The following ADAMTS17 variants were observed in gnomAD, a reference collection of about 807,000 sequenced individuals.
ADAMTS17 encodes the protein A disintegrin and metalloproteinase with thrombospondin motifs 17.
Under a neutral mutation model 141.5 loss-of-function variants are expected in ADAMTS17, and 113 were observed. That is an observed-to-expected ratio of 0.80 (90% CI 0.69 to 0.93). ADAMTS17 has a LOEUF of 0.93. Ranked by LOEUF, ADAMTS17 falls within the 40% of genes least tolerant of loss-of-function variation. ADAMTS17 has a pLI of 0.00. For missense variants in ADAMTS17, 1,659 were observed against 1,517.9 expected, an observed-to-expected ratio of 1.09 and a Z score of -1.54; for synonymous variants, 768 against 630.6, an observed-to-expected ratio of 1.22 and a Z score of -3.27.
chr15:100,098,914 C>T (rs908591641), intron 14 of ADAMTS17, among the ~76,000 whole-genome samples: 1 of 152,196 alleles, frequency 6.6e-6, no homozygotes, highest in Non-Finnish European at 1.5e-5. Flanking sequence ...TGGGCTTTCT[C>T]ATCTCAGGTG....
At chr15:100,310,746 A>G (rs1394921595) in intron 3 of ADAMTS17, among the ~76,000 whole-genome samples, 3 of 150,704 alleles carry the variant, frequency 2.0e-5, no homozygotes, top group African/African-American at 7.3e-5. Flanking sequence ...TTTTCCCCTA[A>G]GCTTCATTGT....
rs527709514 is a variant in ADAMTS17, at chr15:100,039,877, T to C, written c.2591+8980A>G. ...ATTCCTTCATTTCTGTCAGTTTTGC[T>C]CCATGTATTTTAGGGTCTCATATGT... On this transcript the variant is annotated intron_variant, in intron 18 of 21. Coordinates refer to ENST00000268070, the MANE Select transcript of ADAMTS17 (RefSeq NM_139057.4). Among the ~76,000 whole-genome samples the C allele has an allele frequency of 7.2e-5, 11 of 152,350 alleles. No homozygotes were observed. In the South Asian group the frequency reaches 2.1e-3, roughly 29 times the overall value.
chr15:100,138,440 T>C (rs1018735149), intron 10 of ADAMTS17, among the ~76,000 whole-genome samples: 15 of 152,196 alleles, frequency 9.9e-5, no homozygotes, highest in African/African-American at 3.6e-4. Context: ...AGCAGCAAGA[T>C]ATTAACACTG....
At position 100,048,918 on chromosome 15, in the gene ADAMTS17, G is replaced by A. The variant is rs758345120; in HGVS notation, c.2530C>T (p.Pro844Ser). ...TTTLVNDSDCPQASRPEPQVR... is the reference protein window; with the variant it reads ...TTTLVNDSDCSQASRPEPQVR... Reference sequence around the variant, plus strand: ...TGGGGCTCTGGGCGGCTTGCTTGAGGGCAGTCACTGTCGTTCACCAGAGTT... The same window carrying A: ...TGGGGCTCTGGGCGGCTTGCTTGAGAGCAGTCACTGTCGTTCACCAGAGTT... Residue 844 changes from proline to serine, a missense_variant, in exon 18 of 22, where the codon CCT becomes TCT. Transcript: ENST00000268070. 1.9e-6 allele frequency: 3 copies of A among 1,614,176 alleles called. No individual in the cohort carries two copies. Among genetic ancestry groups the A allele is most frequent in the East Asian group, 4.5e-5 (2 of 44,874 alleles).
At chr15:100,229,679 G>A (rs1307049247) in intron 7 of ADAMTS17, among the ~76,000 whole-genome samples, 5 of 152,180 alleles carry the variant, frequency 3.3e-5, no homozygotes, top group East Asian at 3.8e-4. Flanking sequence ...CACATGATCC[G>A]TTGAAGATGC....
In ADAMTS17 at chr15:99,973,116, G is replaced by A. The variant is rs2060245571; in HGVS notation, c.*1286C>T. Reference sequence around the variant, plus strand: ...CTACCATCCTCTGTGCTCTCAAAGAGGCCACTCTGCTTGTCTGCTGCCAGG... The same window carrying A: ...CTACCATCCTCTGTGCTCTCAAAGAAGCCACTCTGCTTGTCTGCTGCCAGG... On this transcript the variant is annotated 3_prime_UTR_variant, in exon 22 of 22. Transcript: ENST00000268070. The A allele has an allele frequency of 6.6e-6, 1 of 151,930 alleles. No homozygotes were observed. The highest frequency in any genetic ancestry group is 2.4e-5 in the African/African-American group (1 of 41,328). The allele number at this position is 151,930 out of a possible 1,614,324, so 9.4% of individuals were successfully genotyped here.
At chr15:100,320,204 C>T (rs1347014987) in intron 3 of ADAMTS17, among the ~76,000 whole-genome samples, 3 of 151,922 alleles carry the variant, frequency 2.0e-5, no homozygotes, top group South Asian at 4.2e-4. Context: ...AAAGATGACA[C>T]AAAACATGGA....
intron 15 of ADAMTS17, among the ~76,000 whole-genome samples, chr15:100,087,527 C>T (rs1386690277): frequency 6.6e-6 from 1 of 152,132 alleles, no homozygotes; most frequent in Non-Finnish European, 1.5e-5. Context: ...CAGGCAGAGA[C>T]ACAACCAAAA....
intron 18 of ADAMTS17, among the ~76,000 whole-genome samples, chr15:100,026,285 G>C (rs1327927978): frequency 6.6e-6 from 1 of 152,186 alleles, no homozygotes; most frequent in Non-Finnish European, 1.5e-5. Flanking sequence ...TCCATCCATT[G>C]TACTGTGGAT....
At chr15:100,244,710 C>G (rs1349274689) in intron 7 of ADAMTS17, among the ~76,000 whole-genome samples, 1 of 152,116 alleles carries the variant, frequency 6.6e-6, no homozygotes, top group East Asian at 1.9e-4. Flanking sequence ...CCCTGGCTCT[C>G]AGCCTGCGAT....
chr15:100,271,272 G>A (rs1291821960), intron 4 of ADAMTS17, among the ~76,000 whole-genome samples: 1 of 152,172 alleles, frequency 6.6e-6, no homozygotes, highest in Non-Finnish European at 1.5e-5. Context: ...TTACTCAAAA[G>A]TGAAATTGCT....
chr15:99,984,142 C>G lies in ADAMTS17; in HGVS notation c.2950-7920G>C, dbSNP rs1371349414. Among the ~76,000 whole-genome samples, 3 of 152,172 alleles carry G rather than the reference C, an allele frequency of 2.0e-5. No individual in the cohort carries two copies. In the East Asian group the frequency reaches 5.8e-4, roughly 29 times the overall value. ...TCCCTCCTTCCTCTGAATTCGCGGC[C>G]TGCTGACCTGCATATTGTGGCTGGG... On this transcript the variant is annotated intron_variant, in intron 20 of 21. Coordinates refer to ENST00000268070, the MANE Select transcript of ADAMTS17 (RefSeq NM_139057.4).
rs2060821259 is a variant in ADAMTS17, at chr15:99,997,324, T to C, written c.2796+61A>G. On this transcript the variant is annotated intron_variant, in intron 19 of 21. Transcript: ENST00000268070. The surrounding 1 kb of genome is among the most constrained non-coding windows in gnomAD (Gnocchi z 4.7). ...CTGGGAGGCACCAGAATGTCACCAA[T>C]ACCATGGCACCGTGTTGGAGTCCCT... The C allele has an allele frequency of 6.3e-7, 1 of 1,590,082 alleles. No homozygotes were observed. The highest frequency in any genetic ancestry group is 1.7e-5 in the Admixed American group (1 of 59,970).
At chr15:100,172,757 T>C (rs1444684073) in intron 8 of ADAMTS17, among the ~76,000 whole-genome samples, 2 of 152,198 alleles carry the variant, frequency 1.3e-5, no homozygotes, top group African/African-American at 4.8e-5. Flanking sequence ...AGGAATAAGA[T>C]CCCGCACCCC....
At chr15:100,288,187 C>T (rs574129537) in intron 3 of ADAMTS17, among the ~76,000 whole-genome samples, 1 of 152,096 alleles carries the variant, frequency 6.6e-6, no homozygotes, top group Non-Finnish European at 1.5e-5. Flanking sequence ...AAATGGAAAA[C>T]AAAACAAAAC....
At chr15:100,090,324 G>C (rs1317756171) in intron 15 of ADAMTS17, among the ~76,000 whole-genome samples, 1 of 152,180 alleles carries the variant, frequency 6.6e-6, no homozygotes, top group Non-Finnish European at 1.5e-5. Flanking sequence ...CCGCTTGTGG[G>C]GGATGAGCTG....
At chr15:100,292,722 A>G (rs1432628297) in intron 3 of ADAMTS17, among the ~76,000 whole-genome samples, 1 of 152,246 alleles carries the variant, frequency 6.6e-6, no homozygotes, top group African/African-American at 2.4e-5. Context: ...CTTGCCCAAC[A>G]CCACTAACCT....
intron 7 of ADAMTS17, among the ~76,000 whole-genome samples, chr15:100,252,267 G>A (rs2043178075): frequency 6.6e-6 from 1 of 152,156 alleles, no homozygotes; most frequent in Non-Finnish European, 1.5e-5. Context: ...ACTGGCATTG[G>A]AGTCCCTTCA....
chr15:100,117,936 C>G (rs924733674), intron 12 of ADAMTS17, among the ~76,000 whole-genome samples: 14 of 152,202 alleles, frequency 9.2e-5, no homozygotes, highest in Non-Finnish European at 1.9e-4. Context: ...CACCTGTTGG[C>G]CAAATGTCAT....
Sources: allele counts gnomAD v4.1 joint callset (sites outside exome capture counted in the v4.1 genomes callset), GRCh38; gene constraint gnomAD v4.1.1; non-coding constraint Gnocchi (gnomAD v3.1); transcripts MANE v1.5; gene names NCBI Gene and HGNC (gene_info 2026-07-23, HGNC 2026-07-21).